DIPK2B: variants seen among roughly 807,000 people sequenced by gnomAD.
DIPK2B encodes UPF0672 protein CXorf36.
In DIPK2B, 15 loss-of-function variants were observed where a neutral mutation model predicts 22.2. The ratio of observed to expected loss-of-function variants is 0.68; its 90% CI spans 0.45 to 1.04. The LOEUF (loss-of-function observed/expected upper bound fraction) is 1.04, where lower values mean the gene tolerates loss of function less well. Among genes scored for constraint, DIPK2B ranks in the 50% least tolerant of loss-of-function variants. The pLI, the probability that DIPK2B is intolerant of heterozygous loss-of-function variation, is 0.00. For missense variants in DIPK2B, 345 were observed against 348.3 expected, an observed-to-expected ratio of 0.99 and a Z score of 0.08; for synonymous variants, 163 against 153.2, an observed-to-expected ratio of 1.06 and a Z score of -0.47.
rs778769796 is a variant in DIPK2B, at chrX:45,153,976, C to G, written c.895G>C (p.Val299Leu). Residue 299 changes from valine to leucine, a missense_variant, in exon 4 of 5, where the codon GTC (valine) becomes CTC (leucine). Transcript: ENST00000398000. ...ATGAACAGATGCCCGTTGTTAAAGA[C>G]GCCGAACATGCCTGCATCAATGTGG... ...FTHIDAGMFG[V>L]FNNGHLFIRD... 1.7e-6 allele frequency: 2 copies of G among 1,208,531 alleles called. No homozygotes were observed. The highest frequency in any genetic ancestry group is 3.5e-5 in the African/African-American group (2 of 56,795).
chrX:45,187,478 A>G (rs867116593), intron 2 of DIPK2B, among the ~76,000 whole-genome samples: 25 of 105,718 alleles, frequency 2.4e-4, no homozygotes, highest in Middle Eastern at 4.9e-3. Context: ...GCACACACAC[A>G]CACACACACA....
At chrX:45,195,475 G>A (rs1240467657) in intron 1 of DIPK2B, among the ~76,000 whole-genome samples, 5 of 111,884 alleles carry the variant, frequency 4.5e-5, no homozygotes, top group African/African-American at 1.3e-4. Context: ...TTCTTCTCAT[G>A]CTTGCATCTG....
chrX:45,183,109 T>G (rs1397534477), intron 2 of DIPK2B: 1 of 112,381 alleles, frequency 8.9e-6, no homozygotes, highest in African/African-American at 3.2e-5. Flanking sequence ...GTTTATACTT[T>G]AATTGAAAAT....
At chrX:45,169,275 C>T (rs2047066544) in intron 2 of DIPK2B, among the ~76,000 whole-genome samples, 1 of 111,744 alleles carries the variant, frequency 8.9e-6, no homozygotes. Context: ...GCTCTAGAAG[C>T]ATTTTCTATT....
At chrX:45,184,776 T>A (rs1391056632) in intron 2 of DIPK2B, among the ~76,000 whole-genome samples, 2 of 112,316 alleles carry the variant, frequency 1.8e-5, no homozygotes, top group Non-Finnish European at 3.8e-5. Context: ...CTGGATTGAT[T>A]TTCAATTTTC....
chrX:45,194,276 G>C (rs935433425), intron 1 of DIPK2B, among the ~76,000 whole-genome samples: 1 of 107,665 alleles, frequency 9.3e-6, no homozygotes, highest in East Asian at 2.9e-4. Flanking sequence ...TTGAGAGAGA[G>C]TCTTGCTCTG....
chrX:45,196,036 A>G lies in DIPK2B; in HGVS notation c.234-4021T>C, dbSNP rs1026161208. ...TTCCTATACTCTATTTTAACCACTG[A>G]TTTACTTCTTTGTCTTCCTAATAGA... On this transcript the variant is annotated intron_variant, in intron 1 of 4. Transcript: ENST00000398000. Among the ~76,000 whole-genome samples, 4 of 112,434 alleles carry G rather than the reference A, an allele frequency of 3.6e-5. No homozygotes were observed. The Admixed American group carries it at 3.8e-4, about 11-fold the overall frequency.
intron 2 of DIPK2B, among the ~76,000 whole-genome samples, chrX:45,158,374 C>G (rs2047006559): frequency 9.0e-6 from 1 of 110,819 alleles, no homozygotes; most frequent in Non-Finnish European, 1.9e-5. Flanking sequence ...CTCTACCCAC[C>G]ATTGCACCCC....
chrX:45,164,406 C>A (rs2047037156), intron 2 of DIPK2B, among the ~76,000 whole-genome samples: 1 of 111,237 alleles, frequency 9.0e-6, no homozygotes, highest in South Asian at 3.7e-4. Context: ...GAATAAGGAC[C>A]AGGAAGGAAG....
intron 2 of DIPK2B, among the ~76,000 whole-genome samples, chrX:45,191,031 T>C (rs2047208286): frequency 8.9e-6 from 1 of 112,452 alleles, no homozygotes; most frequent in Non-Finnish European, 1.9e-5. Context: ...TCCTCTGAGG[T>C]GGCATCTTCT....
chrX:45,191,883 G>C lies in DIPK2B; in HGVS notation c.366C>G (p.Asn122Lys), dbSNP rs779902848. Residue 122 changes from asparagine (N) to lysine (K), a missense_variant, in exon 2 of 5, where the codon AAC (asparagine) becomes AAG (lysine). Physicochemically the swap from Asn to Lys is moderately conservative, Grantham distance 94 (BLOSUM62 0). Coordinates refer to ENST00000398000, the MANE Select transcript of DIPK2B (RefSeq NM_176819.4). ...EIFRLVSKYQ[N>K]EISDRRICAS... The stretch of plus-strand genomic sequence containing the variant: ...CACAGATTCTCCTGTCTGAGATCTC[G>C]TTTTGATATTTGCTGACCAGTCTAA... 1.7e-6 allele frequency: 2 copies of C among 1,210,493 alleles called. No homozygotes were observed. The highest frequency in any genetic ancestry group is 3.5e-5 in the African/African-American group (2 of 57,261).
At chrX:45,157,541 T>A (rs934206434) in intron 3 of DIPK2B, among the ~76,000 whole-genome samples, 174 bp downstream of exon 3, 4 of 111,650 alleles carry the variant, frequency 3.6e-5, no homozygotes, top group African/African-American at 1.3e-4. Context: ...CTGTTTCCTC[T>A]ACAGCAGCCA....
intron 2 of DIPK2B, among the ~76,000 whole-genome samples, chrX:45,181,685 C>G (rs1304132043): frequency 9.0e-6 from 1 of 111,729 alleles, no homozygotes; most frequent in African/African-American, 3.3e-5. Flanking sequence ...CTGTACATCA[C>G]TCATAAAAAA....
chrX:45,194,326 T>C (rs967897670), intron 1 of DIPK2B, among the ~76,000 whole-genome samples: 5 of 110,772 alleles, frequency 4.5e-5, no homozygotes, highest in Non-Finnish European at 9.5e-5. Context: ...CTTGGTTCAC[T>C]GCAACCTCCA....
chrX:45,183,359 C>T (rs2148346647), intron 2 of DIPK2B: 1 of 111,867 alleles, frequency 8.9e-6, no homozygotes, highest in Non-Finnish European at 1.9e-5. Flanking sequence ...GTTCCCCAGC[C>T]TGAGAGATTC....
At chrX:45,165,636 C>T (rs1002019235) in intron 2 of DIPK2B, among the ~76,000 whole-genome samples, 1 of 111,242 alleles carries the variant, frequency 9.0e-6, no homozygotes, top group Non-Finnish European at 1.9e-5. Context: ...CATTTTTAGA[C>T]GTCCTATATT....
intron 2 of DIPK2B, among the ~76,000 whole-genome samples, chrX:45,164,587 TCA>T (rs2148337201): frequency 9.0e-6 from 1 of 111,063 alleles, no homozygotes; most frequent in South Asian, 3.8e-4. Context: ...GAGGGGAACA[TCA>T]CACACATGGG....
chrX:45,164,345 G>A, intron 2 of DIPK2B: 8 of 932,412 alleles, frequency 8.6e-6, no homozygotes, highest in Non-Finnish European at 1.2e-5. Context: ...AATGCAAATG[G>A]CAGATAGCAT....
In DIPK2B at chrX:45,157,620, A is replaced by G. The variant is rs946496552; in HGVS notation, c.672+95T>C. On this transcript the variant is annotated intron_variant, in intron 3 of 4. Transcript: ENST00000398000. Reference sequence around the variant, plus strand: ...CTAACACGGGCTAGTGGCCCAAGACATGCAGTAAAAGGAGGGAGAGAGCTC... The same window carrying G: ...CTAACACGGGCTAGTGGCCCAAGACGTGCAGTAAAAGGAGGGAGAGAGCTC... The G allele has an allele frequency of 1.6e-5, 15 of 909,756 alleles. No homozygotes were observed. The South Asian group carries it at 3.2e-4, about 19-fold the overall frequency. The allele number at this position is 909,756 out of a possible 1,213,427, so 75.0% of individuals were successfully genotyped here.
Sources: gnomAD v4.1 joint callset for allele counts (sites outside exome capture counted in the v4.1 genomes callset) on GRCh38, gnomAD v4.1.1 for gene constraint, MANE v1.5 for transcripts, NCBI Gene and HGNC (gene_info 2026-07-23, HGNC 2026-07-21) for gene names.